The following RSU1 variants were observed in gnomAD, a reference collection of about 807,000 sequenced individuals.
RSU1 encodes the protein rsu-1.
A neutral mutation model predicts 31.1 loss-of-function variants in RSU1; 26 were observed. The ratio of observed to expected loss-of-function variants is 0.84; its 90% CI spans 0.61 to 1.16. The LOEUF (loss-of-function observed/expected upper bound fraction) is 1.16, where lower values mean the gene tolerates loss of function less well. Among genes scored for constraint, RSU1 ranks in the 50% most tolerant of loss-of-function variants. The pLI, the probability that RSU1 is intolerant of heterozygous loss-of-function variation, is 0.00. For missense variants in RSU1, 320 were observed against 339.1 expected, an observed-to-expected ratio of 0.94 and a Z score of 0.44; for synonymous variants, 164 against 136.3, an observed-to-expected ratio of 1.20 and a Z score of -1.41.
At position 16,801,465 on chromosome 10, in the gene RSU1, A is replaced by G. The variant is rs551514756; in HGVS notation, c.109+15508T>C. 3.9e-5 allele frequency among the ~76,000 whole-genome samples: 6 copies of G among 152,310 alleles called. No homozygotes were observed. In the East Asian group the frequency reaches 5.8e-4, roughly 15 times the overall value. ...CTTGGAGACGTCAAGACTCCACTCTATCAGTAATTGACAGATCCAGCAGGC... is the reference window on the plus strand; with the variant it reads ...CTTGGAGACGTCAAGACTCCACTCTGTCAGTAATTGACAGATCCAGCAGGC... On this transcript the variant is annotated intron_variant, in intron 2 of 8. Coordinates refer to ENST00000345264, the MANE Select transcript of RSU1 (RefSeq NM_012425.4).
Position 16,643,628 on chromosome 10 carries a change from A to G in RSU1, c.732-50132T>C, listed in dbSNP as rs114367610. 7.3e-3 allele frequency among the ~76,000 whole-genome samples: 1,118 copies of G among 152,282 alleles called. 14 individuals are homozygous for G. Among genetic ancestry groups the G allele is most frequent in the African/African-American group, 0.025 (1,050 of 41,536 alleles). ...TGCAAAACAGCCCATAGAGTTACCT[A>G]TCTGCCTTTATTAACTCTGTGATCT... On this transcript the variant is annotated intron_variant, in intron 8 of 8. Transcript: ENST00000345264.
At chr10:16,797,861 T>C (rs61008325) in intron 2 of RSU1, among the ~76,000 whole-genome samples, 1,510 of 138,380 alleles carry the variant, frequency 0.011, 27 homozygotes, top group African/African-American at 0.032. Context: ...TTCTTCTTTT[T>C]TTTTTTTTTT....
chr10:16,613,605 C>T (rs577669345), intron 8 of RSU1, among the ~76,000 whole-genome samples: 1 of 152,290 alleles, frequency 6.6e-6, no homozygotes, highest in East Asian at 1.9e-4. Flanking sequence ...TCTGGGCTTG[C>T]CACCTTGGTT....
At chr10:16,813,131 T>G (rs1439463934) in intron 2 of RSU1, among the ~76,000 whole-genome samples, 1 of 152,114 alleles carries the variant, frequency 6.6e-6, no homozygotes, top group Non-Finnish European at 1.5e-5. Flanking sequence ...CCTCAGCTCA[T>G]TTTTTAATTT....
chr10:16,729,703 T>C (rs1236883086), intron 7 of RSU1, among the ~76,000 whole-genome samples: 1 of 152,208 alleles, frequency 6.6e-6, no homozygotes, highest in African/African-American at 2.4e-5. Context: ...TTTTCTTTTT[T>C]ATGGCATTGA....
chr10:16,611,188 A>T (rs573661366), intron 8 of RSU1, among the ~76,000 whole-genome samples: 17 of 152,226 alleles, frequency 1.1e-4, no homozygotes, highest in African/African-American at 4.1e-4. Context: ...TCCAGGGTGG[A>T]CCAGACTTCC....
chr10:16,697,709 G>T (rs1019602821), intron 7 of RSU1, among the ~76,000 whole-genome samples: 1 of 150,722 alleles, frequency 6.6e-6, no homozygotes, highest in African/African-American at 2.4e-5. Context: ...CAAAGTAGAT[G>T]AAAAAAAAGC....
chr10:16,677,271 G>A (rs1158281787), intron 8 of RSU1, among the ~76,000 whole-genome samples: 3 of 152,118 alleles, frequency 2.0e-5, no homozygotes, highest in Admixed American at 6.5e-5. Context: ...CCGTTTTCTC[G>A]TCTGAAAGCA....
chr10:16,815,852 G>A (rs760250936), intron 2 of RSU1, among the ~76,000 whole-genome samples: 1 of 152,138 alleles, frequency 6.6e-6, no homozygotes, highest in African/African-American at 2.4e-5. Context: ...AGGTGCAAAC[G>A]ACTGAGAAAG....
chr10:16,805,536 C>T (rs1838248354), intron 2 of RSU1, among the ~76,000 whole-genome samples: 1 of 150,686 alleles, frequency 6.6e-6, no homozygotes, highest in South Asian at 2.1e-4. Context: ...GTTAGCCAGG[C>T]GTTGTGGCGG....
chr10:16,769,851 C>G (rs761596447), intron 3 of RSU1, among the ~76,000 whole-genome samples: 9 of 152,204 alleles, frequency 5.9e-5, no homozygotes, highest in Non-Finnish European at 1.0e-4. Context: ...CTCTAGGTAG[C>G]TTAACACGTT....
chr10:16,594,187 CTTTTATTGATA>C (rs778798651), intron 8 of RSU1, among the ~76,000 whole-genome samples: 28 of 152,128 alleles, frequency 1.8e-4, no homozygotes, highest in Non-Finnish European at 3.4e-4. Flanking sequence ...AACTTAACTC[CTTTTATTGATA>C]TAACTGTGTC....
intron 8 of RSU1, among the ~76,000 whole-genome samples, chr10:16,628,089 G>A (rs1834188646): frequency 6.6e-6 from 1 of 152,168 alleles, no homozygotes; most frequent in Admixed American, 6.5e-5. Flanking sequence ...CTCACAGAGG[G>A]TACTTCATTA....
intron 7 of RSU1, among the ~76,000 whole-genome samples, chr10:16,703,283 C>T (rs1247978908): frequency 6.6e-6 from 1 of 152,200 alleles, no homozygotes; most frequent in Non-Finnish European, 1.5e-5. Context: ...CAGACTAATA[C>T]AGCAGCGTTG....
At chr10:16,624,971 C>T (rs1231460524) in intron 8 of RSU1, among the ~76,000 whole-genome samples, 1 of 152,172 alleles carries the variant, frequency 6.6e-6, no homozygotes, top group Non-Finnish European at 1.5e-5. Flanking sequence ...TAAAGACCCA[C>T]CTTTCCACCA....
rs36056724 is a variant in RSU1 at position 16,722,324 on chromosome 10, G to A, written c.599-27169C>T. On this transcript the variant is annotated intron_variant, in intron 7 of 8. Transcript: ENST00000345264. Reference sequence around the variant, plus strand: ...CCCACACTAATGAGGTGGGAATATTGTTTAAGAAAACAGATGAAAAGTAAG... The same window carrying A: ...CCCACACTAATGAGGTGGGAATATTATTTAAGAAAACAGATGAAAAGTAAG... 5.3e-3 allele frequency among the ~76,000 whole-genome samples: 805 copies of A among 152,258 alleles called. 8 individuals carry two copies. The highest frequency in any genetic ancestry group is 8.0e-3 in the Non-Finnish European group (547 of 68,014).
At chr10:16,641,842 G>T (rs1420901854) in intron 8 of RSU1, among the ~76,000 whole-genome samples, 2 of 152,222 alleles carry the variant, frequency 1.3e-5, no homozygotes, top group African/African-American at 4.8e-5. Context: ...GGGCTGGGTT[G>T]TACAGTTTGG....
At chr10:16,752,698 G>T (rs1837003964) in intron 6 of RSU1, 45 bp from the exon 7 acceptor site, 5 of 1,428,680 alleles carry the variant, frequency 3.5e-6, no homozygotes, top group Non-Finnish European at 4.9e-6. Context: ...CACATTAAAA[G>T]GTGCTCCACA....
chr10:16,755,499 C>G (rs1271696593), intron 4 of RSU1, among the ~76,000 whole-genome samples: 1 of 151,684 alleles, frequency 6.6e-6, no homozygotes, highest in African/African-American at 2.4e-5. Flanking sequence ...TGGTGTACAA[C>G]ATGATACTTC....
Sources: gnomAD v4.1 joint callset for allele counts (sites outside exome capture counted in the v4.1 genomes callset) on GRCh38, gnomAD v4.1.1 for gene constraint, MANE v1.5 for transcripts, NCBI Gene and HGNC (gene_info 2026-07-23, HGNC 2026-07-21) for gene names.